APBB2: variants seen among roughly 807,000 people sequenced by gnomAD.
The protein encoded by APBB2 is amyloid beta precursor protein binding family B member 2.
In APBB2, 38 loss-of-function variants were observed where a neutral mutation model predicts 82.5. The ratio of observed to expected loss-of-function variants is 0.46; its 90% CI spans 0.36 to 0.60. APBB2 has a LOEUF of 0.60. Ranked by LOEUF, APBB2 falls within the 20% of genes least tolerant of loss-of-function variation. The pLI, the probability that APBB2 is intolerant of heterozygous loss-of-function variation, is 0.00. For synonymous variants in APBB2, 341 were observed against 368.2 expected, an observed-to-expected ratio of 0.93 and a Z score of 0.85; for missense variants, 772 against 972.3, an observed-to-expected ratio of 0.79 and a Z score of 2.74.
chr4:41,126,825 C>T (rs1370835974), intron 2 of APBB2, among the ~76,000 whole-genome samples: 1 of 152,170 alleles, frequency 6.6e-6, no homozygotes, highest in Non-Finnish European at 1.5e-5. Flanking sequence ...ACCAATCAGA[C>T]TGCACTAGGA....
chr4:40,957,175 A>T (rs960291356), intron 6 of APBB2, among the ~76,000 whole-genome samples: 2 of 152,258 alleles, frequency 1.3e-5, no homozygotes, highest in Admixed American at 1.3e-4. Context: ...AATGTTTATT[A>T]TCATTAGCTA....
At chr4:40,823,462 G>A (rs1748693298) in intron 16 of APBB2, among the ~76,000 whole-genome samples, 182 bp downstream of exon 16, 1 of 152,168 alleles carries the variant, frequency 6.6e-6, no homozygotes, top group Non-Finnish European at 1.5e-5. Context: ...CAGGCCACAG[G>A]AAAACAGAGG....
intron 12 of APBB2, among the ~76,000 whole-genome samples, chr4:40,843,006 G>T (rs1577888013): frequency 6.6e-6 from 1 of 152,180 alleles, no homozygotes; most frequent in Admixed American, 6.5e-5. Flanking sequence ...TGCAAGTCTG[G>T]TTGGGGCCAC....
intron 6 of APBB2, among the ~76,000 whole-genome samples, chr4:40,995,548 A>T (rs1287412358): frequency 1.2e-4 from 17 of 142,596 alleles, no homozygotes; most frequent in African/African-American, 2.1e-4. Flanking sequence ...AAAAAAAAAA[A>T]TTTTTTTTTT....
intron 4 of APBB2, among the ~76,000 whole-genome samples, chr4:41,033,692 G>GA (rs146997747): frequency 4.8e-5 from 7 of 147,304 alleles, no homozygotes; most frequent in Admixed American, 6.8e-5. Flanking sequence ...CATCTGTTTA[G>GA]AAAAAAAGTG....
At chr4:40,997,599 G>A (rs565245615) in intron 6 of APBB2, among the ~76,000 whole-genome samples, 5 of 152,328 alleles carry the variant, frequency 3.3e-5, no homozygotes, top group Middle Eastern at 6.8e-3. Context: ...ACCTAGAGCA[G>A]AAGTTCCCAA....
At chr4:41,170,918 G>A (rs974096182) in intron 1 of APBB2, among the ~76,000 whole-genome samples, 2 of 152,186 alleles carry the variant, frequency 1.3e-5, no homozygotes, top group South Asian at 2.1e-4. Flanking sequence ...ATAAGGAAGG[G>A]TATGGATCAA....
intron 1 of APBB2, among the ~76,000 whole-genome samples, chr4:41,194,875 G>A: frequency 4.6e-5 from 7 of 151,736 alleles, no homozygotes; most frequent in Middle Eastern, 3.4e-3. Flanking sequence ...TTTTATTTAC[G>A]TAATATTGGA....
intron 3 of APBB2, among the ~76,000 whole-genome samples, chr4:41,073,181 T>C (rs1334476027): frequency 6.6e-5 from 10 of 152,156 alleles, no homozygotes; most frequent in Non-Finnish European, 1.2e-4. Context: ...AGAACATTCT[T>C]CTCGGCTAAA....
intron 7 of APBB2, among the ~76,000 whole-genome samples, chr4:40,941,399 C>T (rs1266664319): frequency 6.6e-6 from 1 of 152,082 alleles, no homozygotes; most frequent in Non-Finnish European, 1.5e-5. Context: ...ACATAGCCTC[C>T]CTTAGGGTGA....
intron 2 of APBB2, among the ~76,000 whole-genome samples, chr4:41,107,727 T>C (rs140958114): frequency 1.3e-5 from 2 of 152,302 alleles, no homozygotes; most frequent in Non-Finnish European, 1.5e-5. Flanking sequence ...TTGCCAAACA[T>C]GCTTAATCTG....
At chr4:40,964,546 A>G (rs1385233014) in intron 6 of APBB2, among the ~76,000 whole-genome samples, 1 of 152,108 alleles carries the variant, frequency 6.6e-6, no homozygotes, top group African/African-American at 2.4e-5. Flanking sequence ...ATGCAGTTCA[A>G]TTAGAGGAAT....
At chr4:40,885,573 T>C (rs748055974) in intron 12 of APBB2, among the ~76,000 whole-genome samples, 2 of 152,206 alleles carry the variant, frequency 1.3e-5, no homozygotes, top group African/African-American at 2.4e-5. Flanking sequence ...AGTCCATTCT[T>C]GGGGTTTGGA....
At chr4:40,841,116 C>T (rs1755670391) in intron 12 of APBB2, among the ~76,000 whole-genome samples, 1 of 152,220 alleles carries the variant, frequency 6.6e-6, no homozygotes, top group Non-Finnish European at 1.5e-5. Context: ...TGCTGTCTCT[C>T]CCTCTTAACC....
intron 6 of APBB2, among the ~76,000 whole-genome samples, chr4:40,992,417 A>C (rs1481599744): frequency 1.3e-5 from 2 of 151,558 alleles, no homozygotes; most frequent in Non-Finnish European, 2.9e-5. Context: ...GCCTCAAACT[A>C]TCCTCCCACC....
At chr4:41,084,856 G>A (rs1171501094) in intron 3 of APBB2, 3 of 152,028 alleles carry the variant, frequency 2.0e-5, no homozygotes, top group African/African-American at 7.2e-5. Flanking sequence ...AGGAAGGGAG[G>A]GAGAAATTAA....
intron 10 of APBB2, among the ~76,000 whole-genome samples, chr4:40,908,339 A>C (rs1259885734): frequency 6.6e-6 from 1 of 152,106 alleles, no homozygotes; most frequent in Non-Finnish European, 1.5e-5. Context: ...CCAGCCAACA[A>C]ACACACGGTG....
intron 8 of APBB2, 104 bp downstream of exon 8, chr4:40,934,973 G>A: frequency 1.0e-6 from 1 of 989,526 alleles, no homozygotes; most frequent in Non-Finnish European, 1.5e-6. Flanking sequence ...CGATCACTGT[G>A]TCCCTGCAGA....
At chr4:40,835,909 G>C (rs987253197) in intron 12 of APBB2, among the ~76,000 whole-genome samples, 6 of 152,188 alleles carry the variant, frequency 3.9e-5, no homozygotes, top group Admixed American at 1.3e-4. Flanking sequence ...GGATGAGGGA[G>C]GCGATTAAGA....
Sources: allele counts gnomAD v4.1 joint callset (sites outside exome capture counted in the v4.1 genomes callset), GRCh38; gene constraint gnomAD v4.1.1; transcripts MANE v1.5; gene names NCBI Gene and HGNC (gene_info 2026-07-23, HGNC 2026-07-21).